GRM3: variants seen among roughly 807,000 people sequenced by gnomAD.
The protein encoded by GRM3 is glutamate metabotropic receptor 3.
In GRM3, 26 loss-of-function variants were observed where a neutral mutation model predicts 70.5. The observed-to-expected ratio is 0.37, with a 90% CI of 0.27 to 0.51. The LOEUF (loss-of-function observed/expected upper bound fraction) is 0.51, where lower values mean the gene tolerates loss of function less well. Ranked by LOEUF, GRM3 falls within the 20% of genes least tolerant of loss-of-function variation. The pLI is 0.93. For missense variants in GRM3, 859 were observed against 1,123.8 expected (o/e 0.76, Z 3.37); for synonymous variants, 443 against 434.9 (o/e 1.02, Z -0.23).
At chr7:86,771,475 A>G (rs1584229327) in intron 2 of GRM3, among the ~76,000 whole-genome samples, 1 of 152,190 alleles carries the variant, frequency 6.6e-6, no homozygotes, top group African/African-American at 2.4e-5. Context: ...GGGTTCTCAT[A>G]TAAAAGCATT....
chr7:86,687,580 A>G (rs893163623), intron 1 of GRM3, among the ~76,000 whole-genome samples: 2 of 151,820 alleles, frequency 1.3e-5, no homozygotes, highest in East Asian at 1.9e-4. Context: ...AAAAGCCGAG[A>G]ATGTTTTTCT....
intron 1 of GRM3, among the ~76,000 whole-genome samples, chr7:86,746,395 G>A (rs1280723055): frequency 1.6e-5 from 2 of 128,124 alleles, no homozygotes; most frequent in Admixed American, 8.2e-5. Context: ...ATAGAATTCT[G>A]TGCTGCATTT....
intron 3 of GRM3, among the ~76,000 whole-genome samples, chr7:86,797,409 A>G (rs1256179279): frequency 6.6e-6 from 1 of 152,222 alleles, no homozygotes; most frequent in Non-Finnish European, 1.5e-5. Context: ...TAGCAAAGAG[A>G]CTGGCAGCAT....
At chr7:86,752,841 G>A (rs992807146) in intron 1 of GRM3, among the ~76,000 whole-genome samples, 5 of 152,082 alleles carry the variant, frequency 3.3e-5, no homozygotes, top group African/African-American at 7.2e-5. Flanking sequence ...AGGATAAGAC[G>A]TGCCCAGCCC....
chr7:86,687,451 C>G (rs535767278), intron 1 of GRM3, among the ~76,000 whole-genome samples: 16 of 151,648 alleles, frequency 1.1e-4, no homozygotes, highest in African/African-American at 3.6e-4. Context: ...GGAAACAAGA[C>G]AATGGATGGA....
intron 1 of GRM3, among the ~76,000 whole-genome samples, chr7:86,726,596 T>C (rs921651632): frequency 2.6e-5 from 4 of 152,170 alleles, no homozygotes; most frequent in African/African-American, 9.7e-5. Flanking sequence ...TTCCCCCAGT[T>C]GGACCTTTAA....
chr7:86,825,181 G>T (rs1196875096), intron 3 of GRM3, among the ~76,000 whole-genome samples: 1 of 152,130 alleles, frequency 6.6e-6, no homozygotes, highest in Non-Finnish European at 1.5e-5. Flanking sequence ...TCAATGTTTA[G>T]CTCCCGCTTA....
At chr7:86,808,604 G>T (rs1218302616) in intron 3 of GRM3, among the ~76,000 whole-genome samples, 1 of 152,002 alleles carries the variant, frequency 6.6e-6, no homozygotes, top group Non-Finnish European at 1.5e-5. Flanking sequence ...GGGTGTCTGT[G>T]TGTGTTTGTG....
At chr7:86,707,805 G>A (rs966501252) in intron 1 of GRM3, among the ~76,000 whole-genome samples, 6 of 151,984 alleles carry the variant, frequency 3.9e-5, no homozygotes, top group African/African-American at 1.2e-4. Flanking sequence ...ATCAATGTTT[G>A]TTTTCCTTCC....
chr7:86,852,435 TG>T (rs1329456109), intron 5 of GRM3, among the ~76,000 whole-genome samples: 1 of 152,166 alleles, frequency 6.6e-6, no homozygotes, highest in Non-Finnish European at 1.5e-5. Context: ...TCAAGTCTCT[TG>T]TTAGAAATTC....
At chr7:86,699,754 G>T (rs1050102713) in intron 1 of GRM3, among the ~76,000 whole-genome samples, 10 of 151,902 alleles carry the variant, frequency 6.6e-5, no homozygotes, top group African/African-American at 2.4e-4. Flanking sequence ...GAAGTAACTT[G>T]GTCAAGAAGA....
At chr7:86,857,758 T>G (rs1166697693) in intron 5 of GRM3, among the ~76,000 whole-genome samples, 2 of 152,044 alleles carry the variant, frequency 1.3e-5, no homozygotes, top group African/African-American at 4.8e-5. Context: ...TGAAAACATA[T>G]TTTGATAGAA....
intron 5 of GRM3, among the ~76,000 whole-genome samples, chr7:86,853,114 C>A (rs1199847552): frequency 1.3e-5 from 2 of 152,108 alleles, no homozygotes; most frequent in Non-Finnish European, 2.9e-5. Flanking sequence ...CAGTGGTTTT[C>A]ATACTGTAGA....
chr7:86,817,652 T>C (rs1191354078), intron 3 of GRM3, among the ~76,000 whole-genome samples: 1 of 151,982 alleles, frequency 6.6e-6, no homozygotes, highest in Non-Finnish European at 1.5e-5. Context: ...TTCTGAGGCT[T>C]GTCAAGTCTC....
intron 1 of GRM3, among the ~76,000 whole-genome samples, chr7:86,697,312 A>G (rs938216491): frequency 2.0e-5 from 3 of 152,046 alleles, no homozygotes; most frequent in African/African-American, 2.4e-5. Context: ...AAAAGATACA[A>G]ATATACATGG....
intron 3 of GRM3, among the ~76,000 whole-genome samples, chr7:86,832,354 G>A (rs1340401332): frequency 3.3e-5 from 5 of 150,078 alleles, no homozygotes; most frequent in Admixed American, 6.7e-5. Context: ...GGGTTCAAGC[G>A]ATTCTTCTGC....
intron 3 of GRM3, among the ~76,000 whole-genome samples, chr7:86,806,796 T>G (rs1797802971): frequency 6.6e-6 from 1 of 152,104 alleles, no homozygotes; most frequent in Admixed American, 6.6e-5. Flanking sequence ...TTGCTTTTGA[T>G]GTTTTAGTCA....
At chr7:86,804,791 T>A (rs1347306051) in intron 3 of GRM3, among the ~76,000 whole-genome samples, 1 of 152,180 alleles carries the variant, frequency 6.6e-6, no homozygotes, top group Non-Finnish European at 1.5e-5. Flanking sequence ...TTTCTATTAG[T>A]GATAATAGGA....
At chr7:86,757,389 T>A (rs1043520886) in intron 1 of GRM3, among the ~76,000 whole-genome samples, 3 of 152,192 alleles carry the variant, frequency 2.0e-5, no homozygotes, top group Admixed American at 2.0e-4. Flanking sequence ...TAAGGACAGG[T>A]CTGTTTTATA....
Sources: allele counts gnomAD v4.1 joint callset (sites outside exome capture counted in the v4.1 genomes callset), GRCh38; gene constraint gnomAD v4.1.1; transcripts MANE v1.5; gene names NCBI Gene and HGNC (gene_info 2026-07-23, HGNC 2026-07-21).